Variants in MXRA5 observed in about 807,000 individuals in gnomAD.
The protein encoded by MXRA5 is matrix-remodeling-associated protein 5.
MXRA5 carries 41 observed loss-of-function variants against 112.5 expected under a neutral mutation model. That is an observed-to-expected ratio of 0.36 (90% CI 0.28 to 0.47). MXRA5 has a LOEUF of 0.47. Among genes scored for constraint, MXRA5 ranks in the 20% least tolerant of loss-of-function variants. The pLI, the probability that MXRA5 is intolerant of heterozygous loss-of-function variation, is 0.99. For synonymous variants in MXRA5, 862 were observed against 900.8 expected (o/e 0.96, Z 0.77); for missense variants, 2,150 against 2,251.0 (o/e 0.96, Z 0.91).
rs141389620 is a variant in MXRA5 at position 3,321,203 on chromosome X, C to T, written c.4482G>A (p.Ser1494=). Residue 1494 remains serine, a synonymous_variant, in exon 5 of 7, where the codon TCG becomes TCA. Coordinates refer to ENST00000217939, the MANE Select transcript of MXRA5 (RefSeq NM_015419.4). The part of the protein sequence containing the change: ...TAARMKEPAS[S]SPSTILMSLG... The stretch of plus-strand genomic sequence containing the variant: ...AAGACATGAGAATTGTGGATGGGGA[C>T]GAGGATGCTGGCTCCTTCATCCGGG... 380 of 1,209,506 alleles carry T rather than the reference C, an allele frequency of 3.1e-4. 3 individuals are homozygous for T. In the African/African-American group the frequency reaches 5.5e-3, roughly 17 times the overall value.
At chrX:3,318,152 A>C (rs1020645783) in intron 5 of MXRA5, 149 bp from the exon 6 acceptor site, 63 of 453,882 alleles carry the variant, frequency 1.4e-4, no homozygotes, top group Non-Finnish European at 2.0e-4. Flanking sequence ...TGTTTTTAAA[A>C]GTTTTTTTTA....
At chrX:3,333,302 C>CAAAAAAAA (rs386416494) in intron 2 of MXRA5, among the ~76,000 whole-genome samples, 105 of 14,813 alleles carry the variant, frequency 7.1e-3, no homozygotes, top group East Asian at 0.011. Context: ...TACCCCATAT[C>CAAAAAAAA]AAAAAAAAAA....
rs1257932321 is a variant in MXRA5, at chrX:3,310,200, C to T, written c.8003G>A (p.Arg2668His). 9 of 1,209,986 alleles carry T rather than the reference C, an allele frequency of 7.4e-6. No homozygotes were observed. The highest frequency in any genetic ancestry group is 1.7e-5 in the African/African-American group (1 of 57,203). ...GCCATTGGGGAGCGTCCAGGAGAAA[C>T]GTCCCTGCCCAGCCCCGGGAGGGGT... The part of the protein sequence containing the change: ...PCTPPGAGQG[R>H]FSWTLPNGMH... The change falls in exon 7 of 7, where the codon CGT becomes CAT. Residue 2668 changes from arginine to histidine, a missense_variant. By Grantham distance (29) the Arg-to-His change is conservative. Coordinates refer to ENST00000217939, the MANE Select transcript of MXRA5 (RefSeq NM_015419.4).
At chrX:3,340,669 C>T (rs1242555207) in intron 2 of MXRA5, among the ~76,000 whole-genome samples, 1 of 109,866 alleles carries the variant, frequency 9.1e-6, no homozygotes, top group African/African-American at 3.3e-5. Context: ...AAAATGAAAC[C>T]ATCAGAAATG....
intron 4 of MXRA5, among the ~76,000 whole-genome samples, chrX:3,326,679 C>T (rs191549847): frequency 6.4e-5 from 7 of 109,795 alleles, no homozygotes; most frequent in Non-Finnish European, 1.3e-4. Context: ...GATATGAAAT[C>T]CTCTGGAATT....
intron 5 of MXRA5, 133 bp downstream of exon 5, chrX:3,319,875 C>A: frequency 4.3e-6 from 2 of 461,773 alleles, no homozygotes; most frequent in African/African-American, 2.5e-5. Context: ...AAAAAATTTC[C>A]CCAAATGTGT....
intron 2 of MXRA5, among the ~76,000 whole-genome samples, chrX:3,335,257 C>T (rs1216833641): frequency 1.8e-5 from 2 of 111,518 alleles, no homozygotes; most frequent in Non-Finnish European, 3.8e-5. Context: ...AGTGCAGTGG[C>T]GCCATCTCGG....
rs770091557 is a variant in MXRA5, at chrX:3,323,579, C to A, written c.2106G>T (p.Ser702=). Residue 702 remains serine (S), a synonymous_variant, in exon 5 of 7, where the codon TCG becomes TCT. Transcript: ENST00000217939. ...REDIVEDEGG[S]GMGDEENTSR... ...AAGTGTTCTCTTCATCTCCCATGCCCGAGCCCCCTTCATCCTCCACGATGT... is the reference window on the plus strand; with the variant it reads ...AAGTGTTCTCTTCATCTCCCATGCCAGAGCCCCCTTCATCCTCCACGATGT... The A allele has an allele frequency of 8.3e-7, 1 of 1,208,475 alleles. No individual in the cohort carries two copies. Among genetic ancestry groups the A allele is most frequent in the African/African-American group, 1.8e-5 (1 of 57,044 alleles).
intron 2 of MXRA5, among the ~76,000 whole-genome samples, chrX:3,335,325 T>C (rs1417900187): frequency 9.0e-6 from 1 of 110,756 alleles, no homozygotes; most frequent in African/African-American, 3.3e-5. Flanking sequence ...GCCTCCCGAG[T>C]AGCTGGGACT....
rs746559277 is a variant in MXRA5 at position 3,323,824 on chromosome X, C to T, written c.1861G>A (p.Asp621Asn). 6.6e-6 allele frequency: 8 copies of T among 1,211,421 alleles called. No homozygotes were observed. The highest frequency in any genetic ancestry group is 8.9e-6 in the Non-Finnish European group (8 of 895,275). ...WILPNRRIIN[D>N]LANTSHVYML... The stretch of plus-strand genomic sequence containing the variant: ...TATACATGTGATGTGTTAGCCAAAT[C>T]ATTAATTATCCTTCTGTTTGGAAGA... Residue 621 changes from aspartate (D) to asparagine (N), a missense_variant, in exon 5 of 7, where the codon GAT becomes AAT. By Grantham distance (23) the Asp-to-Asn change is conservative. Transcript: ENST00000217939.
At chrX:3,338,120 C>G (rs1921821772) in intron 2 of MXRA5, among the ~76,000 whole-genome samples, 1 of 110,832 alleles carries the variant, frequency 9.0e-6, no homozygotes, top group Non-Finnish European at 1.9e-5. Context: ...TGAACGGAGC[C>G]CAGAAGAAGG....
intron 6 of MXRA5, among the ~76,000 whole-genome samples, chrX:3,315,724 A>G (rs1345180886): frequency 1.8e-5 from 2 of 111,043 alleles, no homozygotes; most frequent in African/African-American, 6.6e-5. Context: ...TTCATAGCCC[A>G]AGTACATTTT....
rs778561252 is a variant in MXRA5 at position 3,317,223 on chromosome X, G to C, written c.6458C>G (p.Pro2153Arg). 33 of 1,209,942 alleles carry C rather than the reference G, an allele frequency of 2.7e-5. No homozygotes were observed. The Admixed American group carries it at 6.5e-4, about 24-fold the overall frequency. ...TCCGTACCTGACGTCCGTCCTCCGC[G>C]GGGAGGTGCCCGTGATGCGCGCGTT... The part of the protein sequence containing the change: ...AANARITGTS[P>R]RRTDVRYGGT... Residue 2153 changes from proline to arginine, a missense_variant, in exon 6 of 7, where the codon CCG becomes CGG. Coordinates refer to ENST00000217939, the MANE Select transcript of MXRA5 (RefSeq NM_015419.4).
chrX:3,328,025 T>A (rs1209188853), intron 4 of MXRA5, among the ~76,000 whole-genome samples: 1 of 112,519 alleles, frequency 8.9e-6, no homozygotes, highest in Non-Finnish European at 1.9e-5. Context: ...CATAATATAG[T>A]GTTGCTGCTA....
intron 2 of MXRA5, among the ~76,000 whole-genome samples, chrX:3,331,692 C>T (rs1267627540): frequency 1.8e-5 from 2 of 112,007 alleles, no homozygotes; most frequent in Admixed American, 1.9e-4. Context: ...CTTCCTGTAA[C>T]CTGTCCTCAA....
At chrX:3,333,631 T>C (rs1921721035) in intron 2 of MXRA5, among the ~76,000 whole-genome samples, 1 of 111,667 alleles carries the variant, frequency 9.0e-6, no homozygotes, top group African/African-American at 3.3e-5. Flanking sequence ...ATTCAGACAC[T>C]GTTAACTGAG....
chrX:3,320,180 C>T lies in MXRA5; in HGVS notation c.5505G>A (p.Lys1835=). The T allele has an allele frequency of 8.3e-7, 1 of 1,210,980 alleles. No individual in the cohort carries two copies. The highest frequency in any genetic ancestry group is 1.1e-6 in the Non-Finnish European group (1 of 895,452). The change falls in exon 5 of 7, where the codon AAG becomes AAA. Residue 1835 remains lysine (K), a synonymous_variant. Coordinates refer to ENST00000217939, the MANE Select transcript of MXRA5 (RefSeq NM_015419.4). ...SSGSFHQSSS[K]FFAGGPPASK... is the part of the protein sequence containing the mutation. ...ATGCAGGAGGTCCTCCTGCAAAGAACTTTGAGCTGCTCTGGTGGAAGCTTC... is the reference window on the plus strand; with the variant it reads ...ATGCAGGAGGTCCTCCTGCAAAGAATTTTGAGCTGCTCTGGTGGAAGCTTC...
Position 3,322,091 on chromosome X carries a change from A to C in MXRA5, c.3594T>G (p.Ser1198Arg). ...PDIKISSQVE[S>R]SLVPTAWVDN... The stretch of plus-strand genomic sequence containing the variant: ...CCACCCAAGCTGTAGGAACCAGAGA[A>C]CTCTCCACTTGACTTGAAATCTTAA... The change falls in exon 5 of 7, where the codon AGT becomes AGG. Residue 1198 changes from serine to arginine, a missense_variant. Physicochemically the swap from Ser to Arg is moderately radical, Grantham distance 110. Coordinates refer to ENST00000217939, the MANE Select transcript of MXRA5 (RefSeq NM_015419.4). 1 of 1,207,529 alleles carries C rather than the reference A, an allele frequency of 8.3e-7. No individual in the cohort carries two copies. Among genetic ancestry groups the C allele is most frequent in the Non-Finnish European group, 1.1e-6 (1 of 893,972 alleles).
intron 2 of MXRA5, among the ~76,000 whole-genome samples, chrX:3,342,658 G>A (rs1481780760): frequency 8.9e-6 from 1 of 111,793 alleles, no homozygotes; most frequent in Non-Finnish European, 1.9e-5. Flanking sequence ...TTCCCTCAAC[G>A]TTTCATTCTC....
Sources: gnomAD v4.1 joint callset for allele counts (sites outside exome capture counted in the v4.1 genomes callset) on GRCh38, gnomAD v4.1.1 for gene constraint, MANE v1.5 for transcripts, NCBI Gene and HGNC (gene_info 2026-07-23, HGNC 2026-07-21) for gene names.